Variants in IGBP1C observed in about 807,000 individuals in gnomAD.
IGBP1C encodes the protein immunoglobulin-binding protein 1 family member C.
chr17:58,671,448 C>T, the IGBP1C span, among the ~76,000 whole-genome samples: 3 of 152,128 alleles, frequency 2.0e-5, no homozygotes, highest in African/African-American at 7.2e-5. Flanking sequence ...ATATCTCTAA[C>T]ATCTTTCTCT....
the IGBP1C span, among the ~76,000 whole-genome samples, chr17:58,688,808 G>C: frequency 4.0e-5 from 6 of 150,156 alleles, no homozygotes; most frequent in Non-Finnish European, 4.5e-5. Context: ...ACATATTCCC[G>C]GGGGGGGTTT....
chr17:58,661,236 G>C, the IGBP1C span: 2 of 794,334 alleles, frequency 2.5e-6, no homozygotes, highest in African/African-American at 3.4e-5. Flanking sequence ...TCGGCCACAC[G>C]ATAGTAATGG....
chr17:58,685,213 C>G, the IGBP1C span, among the ~76,000 whole-genome samples: 1 of 151,976 alleles, frequency 6.6e-6, no homozygotes, highest in Admixed American at 6.6e-5. Context: ...GTGGGTGGAT[C>G]ACCTGAGGTC....
chr17:58,679,419 T>C, the IGBP1C span: 1 of 147,220 alleles, frequency 6.8e-6, no homozygotes, highest in Non-Finnish European at 1.5e-5. Context: ...AAAATGACCA[T>C]TAGAAGGCAT....
chr17:58,682,466 G>A, the IGBP1C span, among the ~76,000 whole-genome samples: 24 of 151,648 alleles, frequency 1.6e-4, no homozygotes, highest in Non-Finnish European at 3.1e-4. Flanking sequence ...CCATGTTGGC[G>A]AGGCTGGTCT....
the IGBP1C span, among the ~76,000 whole-genome samples, chr17:58,676,807 G>A: frequency 1.3e-5 from 2 of 152,044 alleles, no homozygotes; most frequent in African/African-American, 2.4e-5. Flanking sequence ...GCAACATAGC[G>A]AGACCCTATG....
the IGBP1C span, among the ~76,000 whole-genome samples, chr17:58,684,494 G>A: frequency 6.6e-6 from 1 of 151,066 alleles, no homozygotes; most frequent in Non-Finnish European, 1.5e-5. Context: ...CATATTAGCC[G>A]GGCATGGTGA....
At chr17:58,674,799 G>GT in the IGBP1C span, among the ~76,000 whole-genome samples, 11 of 141,692 alleles carry the variant, frequency 7.8e-5, no homozygotes, top group Non-Finnish European at 1.1e-4. Flanking sequence ...CAATAAAGTG[G>GT]TTAAAAAAAA....
At chr17:58,685,829 T>C in the IGBP1C span, among the ~76,000 whole-genome samples, 1 of 149,166 alleles carries the variant, frequency 6.7e-6, no homozygotes, top group East Asian at 2.0e-4. Flanking sequence ...CCATCTCTAC[T>C]AAAAAAAATA....
At chr17:58,668,107 G>GAAT in the IGBP1C span, among the ~76,000 whole-genome samples, 3 of 152,036 alleles carry the variant, frequency 2.0e-5, no homozygotes, top group South Asian at 6.2e-4. Flanking sequence ...GATCACCCCA[G>GAAT]CCTGTCTTCA....
chr17:58,675,683 G>A, the IGBP1C span, among the ~76,000 whole-genome samples: 6 of 152,146 alleles, frequency 3.9e-5, no homozygotes, highest in Non-Finnish European at 7.3e-5. Context: ...AAGGGTATCT[G>A]CATTCCCCTC....
chr17:58,688,113 A>T, the IGBP1C span, among the ~76,000 whole-genome samples: 1 of 151,954 alleles, frequency 6.6e-6, no homozygotes, highest in Admixed American at 6.6e-5. Context: ...ACAATTATAG[A>T]CTTTTTTTGT....
At chr17:58,689,049 G>C in the IGBP1C span, among the ~76,000 whole-genome samples, 1 of 151,900 alleles carries the variant, frequency 6.6e-6, no homozygotes, top group African/African-American at 2.4e-5. Context: ...TCCTGCCTCA[G>C]CCTCCCAAGT....
the IGBP1C span, among the ~76,000 whole-genome samples, chr17:58,691,741 G>T: frequency 2.0e-5 from 3 of 150,920 alleles, no homozygotes; most frequent in Non-Finnish European, 4.4e-5. Context: ...ACTCACCTAG[G>T]CAAGGAAGGA....
the IGBP1C span, among the ~76,000 whole-genome samples, chr17:58,681,522 A>C: frequency 6.6e-6 from 1 of 152,086 alleles, no homozygotes; most frequent in Non-Finnish European, 1.5e-5. Flanking sequence ...TAAATTGTCA[A>C]CATTTTGTTT....
chr17:58,666,564 G>A, the IGBP1C span: 4 of 144,818 alleles, frequency 2.8e-5, no homozygotes, highest in African/African-American at 5.1e-5. Context: ...GCAATCTCCC[G>A]CTACCACAAA....
chr17:58,689,425 T>C, the IGBP1C span, among the ~76,000 whole-genome samples: 1 of 151,982 alleles, frequency 6.6e-6, no homozygotes, highest in Non-Finnish European at 1.5e-5. Flanking sequence ...TTCGTCATGT[T>C]GGCCAGGATG....
chr17:58,687,996 T>A, the IGBP1C span, among the ~76,000 whole-genome samples: 1 of 152,218 alleles, frequency 6.6e-6, no homozygotes, highest in African/African-American at 2.4e-5. Context: ...GTTTTAGTGA[T>A]CTAGTCTTCA....
the IGBP1C span, among the ~76,000 whole-genome samples, chr17:58,684,487 A>AT: frequency 6.6e-6 from 1 of 150,644 alleles, no homozygotes; most frequent in African/African-American, 2.4e-5. Context: ...TTGCTTCCAT[A>AT]TTAGCCGGGC....
Sources: gnomAD v4.1 joint callset for allele counts (sites outside exome capture counted in the v4.1 genomes callset) on GRCh38, gnomAD v4.1.1 for gene constraint, MANE v1.5 for transcripts, NCBI Gene and HGNC (gene_info 2026-07-23, HGNC 2026-07-21) for gene names.